The following SSBP2 variants were observed in gnomAD, a reference collection of about 807,000 sequenced individuals.
SSBP2 encodes the protein single stranded DNA binding protein 2, also known as single-stranded DNA-binding protein 2.
SSBP2 carries 17 observed loss-of-function variants against 61.8 expected under a neutral mutation model. That is an observed-to-expected ratio of 0.28 (90% CI 0.19 to 0.41). The LOEUF (loss-of-function observed/expected upper bound fraction) is 0.41. Ranked by LOEUF, SSBP2 falls within the 10% of genes least tolerant of loss-of-function variation. SSBP2 has a pLI of 1.00. For missense variants in SSBP2, 310 were observed against 458.7 expected, an observed-to-expected ratio of 0.68 and a Z score of 2.96; for synonymous variants, 139 against 141.3, an observed-to-expected ratio of 0.98 and a Z score of 0.12.
chr5:81,548,796 C>T (rs1771948867), intron 4 of SSBP2, among the ~76,000 whole-genome samples: 1 of 152,080 alleles, frequency 6.6e-6, no homozygotes, highest in African/African-American at 2.4e-5. Flanking sequence ...GTGGTGGGCA[C>T]CTGTAGTCAC....
At chr5:81,539,510 G>A (rs1274939258) in intron 4 of SSBP2, among the ~76,000 whole-genome samples, 2 of 152,150 alleles carry the variant, frequency 1.3e-5, no homozygotes, top group Non-Finnish European at 2.9e-5. Context: ...TTCTACTGTG[G>A]GTCAAATGCC....
At chr5:81,684,597 T>C (rs1485646984) in intron 1 of SSBP2, among the ~76,000 whole-genome samples, 2 of 152,168 alleles carry the variant, frequency 1.3e-5, no homozygotes, top group African/African-American at 4.8e-5. Flanking sequence ...TAAGATTTAA[T>C]GACTGCCCTA....
chr5:81,494,520 C>T (rs1392987749), intron 5 of SSBP2, among the ~76,000 whole-genome samples: 5 of 152,078 alleles, frequency 3.3e-5, no homozygotes, highest in Non-Finnish European at 5.9e-5. Context: ...GGGATTAGTA[C>T]GCCTATAAAA....
intron 1 of SSBP2, among the ~76,000 whole-genome samples, chr5:81,746,967 G>A (rs1225223641): frequency 7.3e-6 from 1 of 136,102 alleles, no homozygotes; most frequent in African/African-American, 2.6e-5. Flanking sequence ...TTTCATATAG[G>A]AATTGTTCAC....
At chr5:81,500,687 T>C (rs1767639978) in intron 5 of SSBP2, among the ~76,000 whole-genome samples, 1 of 151,852 alleles carries the variant, frequency 6.6e-6, no homozygotes, top group African/African-American at 2.4e-5. Flanking sequence ...TCTTGATCTC[T>C]TGACCTTGTG....
intron 1 of SSBP2, among the ~76,000 whole-genome samples, chr5:81,708,789 G>T (rs1405568362): frequency 6.6e-6 from 1 of 151,930 alleles, no homozygotes; most frequent in East Asian, 1.9e-4. Context: ...AGTGAGTTGA[G>T]TATCAGTGAT....
chr5:81,635,615 G>T (rs897796762), intron 3 of SSBP2, among the ~76,000 whole-genome samples: 1 of 135,964 alleles, frequency 7.4e-6, no homozygotes, highest in African/African-American at 2.8e-5. Flanking sequence ...ACATTGTCTC[G>T]CTCTGTGGCC....
At chr5:81,622,988 T>TCAA (rs1746758837) in intron 3 of SSBP2, among the ~76,000 whole-genome samples, 2 of 152,172 alleles carry the variant, frequency 1.3e-5, no homozygotes, top group African/African-American at 2.4e-5. Flanking sequence ...TTTCAATATT[T>TCAA]TTAGGAGAGT....
At chr5:81,627,210 C>T (rs985951193) in intron 3 of SSBP2, among the ~76,000 whole-genome samples, 10 of 152,146 alleles carry the variant, frequency 6.6e-5, no homozygotes, top group African/African-American at 2.2e-4. Context: ...GTTCTCTCCC[C>T]ACCAAATTTT....
intron 1 of SSBP2, among the ~76,000 whole-genome samples, chr5:81,734,843 C>A (rs1276946225): frequency 6.6e-6 from 1 of 151,822 alleles, no homozygotes; most frequent in Non-Finnish European, 1.5e-5. Flanking sequence ...TGGAGGTGGG[C>A]ACCTGTAGTC....
chr5:81,605,715 T>C (rs1430317324), intron 4 of SSBP2, among the ~76,000 whole-genome samples: 1 of 152,102 alleles, frequency 6.6e-6, no homozygotes, highest in Non-Finnish European at 1.5e-5. Context: ...GGGAAAAACA[T>C]TTTAACTTAG....
chr5:81,530,737 A>G (rs1045893455), intron 4 of SSBP2, among the ~76,000 whole-genome samples: 1 of 152,062 alleles, frequency 6.6e-6, no homozygotes, highest in Admixed American at 6.6e-5. Context: ...TCTCAAGTGA[A>G]AGAGCTGTGC....
At chr5:81,494,706 C>T (rs1767158090) in intron 5 of SSBP2, among the ~76,000 whole-genome samples, 1 of 151,932 alleles carries the variant, frequency 6.6e-6, no homozygotes, top group African/African-American at 2.4e-5. Flanking sequence ...TCATCTATGG[C>T]ATTTTATTAT....
intron 1 of SSBP2, among the ~76,000 whole-genome samples, chr5:81,675,385 A>G (rs1307072770): frequency 2.0e-5 from 3 of 152,172 alleles, no homozygotes; most frequent in Admixed American, 6.6e-5. Flanking sequence ...ATACTCTTCT[A>G]CATTCCTTCA....
intron 16 of SSBP2, among the ~76,000 whole-genome samples, chr5:81,421,288 G>A (rs1196379043): frequency 6.6e-6 from 1 of 152,080 alleles, no homozygotes; most frequent in Non-Finnish European, 1.5e-5. Flanking sequence ...ACCTTCCTGG[G>A]CTCAGGTGAT....
chr5:81,588,420 C>T (rs1033292947), intron 4 of SSBP2, among the ~76,000 whole-genome samples: 1 of 152,046 alleles, frequency 6.6e-6, no homozygotes, highest in African/African-American at 2.4e-5. Flanking sequence ...GGTACCTGAA[C>T]CTAGGTCTTT....
At chr5:81,664,459 C>T (rs573419193) in intron 1 of SSBP2, among the ~76,000 whole-genome samples, 1 of 152,182 alleles carries the variant, frequency 6.6e-6, no homozygotes, top group African/African-American at 2.4e-5. Context: ...ATCTTCAGCT[C>T]CTAAAATAGT....
At chr5:81,548,814 C>T (rs1218669126) in intron 4 of SSBP2, among the ~76,000 whole-genome samples, 7 of 151,994 alleles carry the variant, frequency 4.6e-5, no homozygotes, top group African/African-American at 7.2e-5. Flanking sequence ...CACAGCTACT[C>T]GGGAGGCTGA....
chr5:81,601,072 T>C (rs1030111051), intron 4 of SSBP2, among the ~76,000 whole-genome samples: 10 of 152,232 alleles, frequency 6.6e-5, no homozygotes, highest in Admixed American at 2.6e-4. Flanking sequence ...CAGCGAAAAA[T>C]AGTAAGCTTA....
Sources: gnomAD v4.1 joint callset for allele counts (sites outside exome capture counted in the v4.1 genomes callset) on GRCh38, gnomAD v4.1.1 for gene constraint, MANE v1.5 for transcripts, NCBI Gene and HGNC (gene_info 2026-07-23, HGNC 2026-07-21) for gene names.